Variants in CEP170 observed in about 807,000 individuals in gnomAD.
The protein encoded by CEP170 is centrosomal protein of 170 kDa.
In CEP170, 21 loss-of-function variants were observed where a neutral mutation model predicts 151.9. That is an observed-to-expected ratio of 0.14 (90% confidence interval 0.10 to 0.20). The LOEUF is 0.20. CEP170 is among the 10% of genes least tolerant of loss of function. The pLI, the probability that CEP170 is intolerant of heterozygous loss-of-function variation, is 1.00. For missense variants in CEP170, 964 were observed against 1,892.9 expected, an observed-to-expected ratio of 0.51 and a Z score of 9.11; for synonymous variants, 356 against 648.8, an observed-to-expected ratio of 0.55 and a Z score of 6.86.
intron 3 of CEP170, among the ~76,000 whole-genome samples, chr1:243,216,091 A>G (rs1257461029): frequency 1.3e-5 from 2 of 152,228 alleles, no homozygotes; most frequent in Non-Finnish European, 2.9e-5. Context: ...AATTTATAGA[A>G]CACAGAACAA....
intron 14 of CEP170, among the ~76,000 whole-genome samples, chr1:243,145,683 A>G (rs1012492569): frequency 1.1e-4 from 17 of 152,168 alleles, no homozygotes; most frequent in Non-Finnish European, 1.8e-4. Flanking sequence ...CTTTGATATT[A>G]CTGGAAAAAA....
At chr1:243,245,957 GAAAA>G (rs957810492) in intron 1 of CEP170, among the ~76,000 whole-genome samples, 2 of 150,198 alleles carry the variant, frequency 1.3e-5, no homozygotes, top group Non-Finnish European at 3.0e-5. Flanking sequence ...AAAAAAAAAA[GAAAA>G]AAGAAAGCAA....
At chr1:243,230,694 G>A (rs983770222) in intron 1 of CEP170, among the ~76,000 whole-genome samples, 3 of 152,242 alleles carry the variant, frequency 2.0e-5, no homozygotes, top group Non-Finnish European at 4.4e-5. Context: ...AGAACAGTGA[G>A]GCTGTCTTAT....
chr1:243,238,941 C>T (rs779757608), intron 1 of CEP170, among the ~76,000 whole-genome samples: 4 of 152,160 alleles, frequency 2.6e-5, no homozygotes, highest in African/African-American at 4.8e-5. Flanking sequence ...TCTGTGGGCA[C>T]GCCTCAATCT....
At chr1:243,210,608 ATTTT>A (rs751388751) in intron 4 of CEP170, among the ~76,000 whole-genome samples, 9 of 67,958 alleles carry the variant, frequency 1.3e-4, no homozygotes, top group Non-Finnish European at 1.8e-4. Flanking sequence ...ATTTTTCGTA[ATTTT>A]TTTTTTTTTT....
chr1:243,208,719 T>C (rs1387994933), intron 4 of CEP170, among the ~76,000 whole-genome samples: 8 of 151,742 alleles, frequency 5.3e-5, no homozygotes, highest in Non-Finnish European at 7.4e-5. Flanking sequence ...CAACACTAGC[T>C]CTCTGCCTCC....
chr1:243,198,011 T>C (rs2060776909), intron 7 of CEP170, among the ~76,000 whole-genome samples: 1 of 152,108 alleles, frequency 6.6e-6, no homozygotes, highest in African/African-American at 2.4e-5. Flanking sequence ...AGAACCAATG[T>C]TCTTATTGTC....
intron 8 of CEP170, among the ~76,000 whole-genome samples, chr1:243,190,372 A>G (rs1356163735): frequency 6.6e-6 from 1 of 152,202 alleles, no homozygotes; most frequent in Non-Finnish European, 1.5e-5. Flanking sequence ...TACAAATTGT[A>G]CTAATTTTGG....
intron 1 of CEP170, among the ~76,000 whole-genome samples, chr1:243,248,247 C>T (rs1228256969): frequency 6.6e-6 from 1 of 152,224 alleles, no homozygotes; most frequent in Non-Finnish European, 1.5e-5. Flanking sequence ...ATACAGGGGA[C>T]TGATCACTCC....
chr1:243,159,687 T>C (rs969436240), intron 13 of CEP170, among the ~76,000 whole-genome samples: 1 of 152,058 alleles, frequency 6.6e-6, no homozygotes, highest in Non-Finnish European at 1.5e-5. Context: ...AAGCCAGGTC[T>C]ATGGACTCCC....
chr1:243,219,753 T>A (rs1335528560), intron 3 of CEP170, among the ~76,000 whole-genome samples: 2 of 152,228 alleles, frequency 1.3e-5, no homozygotes. Context: ...AGTTAAAATT[T>A]TTCACTATAA....
At chr1:243,207,173 T>C (rs569447495) in intron 4 of CEP170, among the ~76,000 whole-genome samples, 1 of 152,308 alleles carries the variant, frequency 6.6e-6, no homozygotes, top group Non-Finnish European at 1.5e-5. Context: ...ATATGCTGCC[T>C]ACTTTACAGG....
intron 11 of CEP170, among the ~76,000 whole-genome samples, chr1:243,172,200 T>C (rs575967866): frequency 2.0e-5 from 3 of 152,378 alleles, no homozygotes; most frequent in African/African-American, 7.2e-5. Context: ...TGAATATTTC[T>C]AACACCTAAT....
chr1:243,215,559 C>T (rs897921819), intron 3 of CEP170, among the ~76,000 whole-genome samples: 33 of 152,068 alleles, frequency 2.2e-4, no homozygotes, highest in Non-Finnish European at 4.3e-4. Flanking sequence ...CTTATTAGGA[C>T]GAGGAAATTC....
At chr1:243,131,381 A>G (rs1048363122) in intron 17 of CEP170, among the ~76,000 whole-genome samples, 4 of 152,084 alleles carry the variant, frequency 2.6e-5, no homozygotes, top group Admixed American at 2.6e-4. Context: ...AGTCCTAGCT[A>G]CTAAGAAGGC....
At chr1:243,193,929 G>C (rs1247531569) in intron 7 of CEP170, among the ~76,000 whole-genome samples, 1 of 151,762 alleles carries the variant, frequency 6.6e-6, no homozygotes. Flanking sequence ...AACAAAGCAG[G>C]TACACAAATA....
At chr1:243,147,164 G>A (rs2056603728) in intron 14 of CEP170, among the ~76,000 whole-genome samples, 1 of 152,154 alleles carries the variant, frequency 6.6e-6, no homozygotes, top group South Asian at 2.1e-4. Context: ...AAAGTACCCA[G>A]ATGTGGCTTT....
intron 3 of CEP170, among the ~76,000 whole-genome samples, chr1:243,216,572 T>G: frequency 6.6e-6 from 1 of 152,190 alleles, no homozygotes; most frequent in Admixed American, 6.5e-5. Context: ...TTAAAGGGAT[T>G]AGGTTATTAA....
At chr1:243,237,317 T>C (rs950121863) in intron 1 of CEP170, among the ~76,000 whole-genome samples, 5 of 152,224 alleles carry the variant, frequency 3.3e-5, no homozygotes, top group African/African-American at 1.2e-4. Flanking sequence ...TGTTAACTAT[T>C]GAGCACTTGA....
Sources: allele counts gnomAD v4.1 joint callset (sites outside exome capture counted in the v4.1 genomes callset), GRCh38; gene constraint gnomAD v4.1.1; transcripts MANE v1.5; gene names NCBI Gene and HGNC (gene_info 2026-07-23, HGNC 2026-07-21).